ANKRD30A: variants seen among roughly 807,000 people sequenced by gnomAD.
ANKRD30A encodes ankyrin repeat domain-containing protein 30A.
Under a neutral mutation model 166.3 loss-of-function variants are expected in ANKRD30A, and 170 were observed. The ratio of observed to expected loss-of-function variants is 1.02; its 90% CI spans 0.90 to 1.16. The LOEUF is 1.16. Ranked by LOEUF, ANKRD30A falls within the 50% of genes most tolerant of loss-of-function variation. ANKRD30A has a pLI of 0.00. For missense variants in ANKRD30A, 1,630 were observed against 1,518.0 expected (o/e 1.07, Z -1.23); for synonymous variants, 564 against 508.9 (o/e 1.11, Z -1.46).
chr10:37,252,173 G>A, the ANKRD30A span, among the ~76,000 whole-genome samples: 1 of 152,272 alleles, frequency 6.6e-6, no homozygotes, highest in Non-Finnish European at 1.5e-5. Context: ...TGAAATTTTA[G>A]AGGGAGGTGA....
At chr10:37,218,694 T>G (rs551107534) in intron 33 of ANKRD30A, among the ~76,000 whole-genome samples, 8 of 151,102 alleles carry the variant, frequency 5.3e-5, no homozygotes, top group African/African-American at 1.9e-4. Context: ...CTTTTGAGCT[T>G]GTTGTAATTC....
chr10:37,141,956 A>C lies in ANKRD30A; in HGVS notation c.1059A>C (p.Ser353=). The C allele has an allele frequency of 6.4e-7, 1 of 1,566,554 alleles. No homozygotes were observed. Among genetic ancestry groups the C allele is most frequent in the South Asian group, 1.1e-5 (1 of 89,332 alleles). Residue 353 remains serine, a synonymous_variant, in exon 7 of 36, where the codon TCA becomes TCC. Coordinates refer to ENST00000361713, the MANE Select transcript of ANKRD30A (RefSeq NM_052997.3). ...CGACATCTGGAAAGTTCGAACAGTC[A>C]GCAGAAGAAACACCTAGGGAAATTA... The part of the protein sequence containing the change: ...EKATSGKFEQ[S]AEETPREITS...
chr10:37,197,972 G>C (rs188882466), intron 29 of ANKRD30A, among the ~76,000 whole-genome samples: 3 of 151,932 alleles, frequency 2.0e-5, no homozygotes, highest in Non-Finnish European at 4.4e-5. Flanking sequence ...GTGTGTCTGC[G>C]TGTGTGCCTG....
rs1837982691 is a variant in ANKRD30A, at chr10:37,152,067, GT to G, written c.1655del (p.Phe552SerfsTer40). On this transcript the variant is annotated frameshift_variant, in exon 12 of 36. Transcript: ENST00000361713. LOFTEE classifies it high-confidence loss of function. ...NEQTLRADPM[F>X]PPESKQKDYE... ...GTGATTAACCTTTTATAGATCCGAT[GT>G]TCCCACCAGAATCCAAACAAAAGGA... The G allele has an allele frequency of 6.2e-7, 1 of 1,608,628 alleles. No homozygotes were observed. Among genetic ancestry groups the G allele is most frequent in the Admixed American group, 1.7e-5 (1 of 59,774 alleles).
intron 11 of ANKRD30A, 90 bp from the exon 12 acceptor site, chr10:37,151,970 A>C: frequency 8.4e-7 from 1 of 1,190,786 alleles, no homozygotes. Context: ...AAAACCACAG[A>C]TTCGTGAATG....
chr10:37,223,238 T>C (rs1426954348), intron 34 of ANKRD30A, among the ~76,000 whole-genome samples: 1 of 151,182 alleles, frequency 6.6e-6, no homozygotes, highest in Non-Finnish European at 1.5e-5. Context: ...GATAAACCCA[T>C]TATAAGTTGA....
intron 15 of ANKRD30A, among the ~76,000 whole-genome samples, chr10:37,162,106 C>T (rs1838946907): frequency 6.6e-6 from 1 of 151,888 alleles, no homozygotes; most frequent in Non-Finnish European, 1.5e-5. Context: ...GTAGAGGATA[C>T]AGAAATATAG....
At chr10:37,255,280 G>C in the ANKRD30A span, among the ~76,000 whole-genome samples, 1 of 152,152 alleles carries the variant, frequency 6.6e-6, no homozygotes, top group African/African-American at 2.4e-5. Flanking sequence ...GGGCAAGAGG[G>C]TGGGAAGGGG....
intron 25 of ANKRD30A, among the ~76,000 whole-genome samples, chr10:37,192,123 A>T (rs1840632641): frequency 6.6e-6 from 1 of 151,804 alleles, no homozygotes; most frequent in African/African-American, 2.4e-5. Context: ...TGCAACCTCC[A>T]CCTCCTGGGT....
chr10:37,141,275 A>G (rs2132531266), intron 6 of ANKRD30A, among the ~76,000 whole-genome samples: 1 of 152,278 alleles, frequency 6.6e-6, no homozygotes, highest in South Asian at 2.1e-4. Flanking sequence ...TTAAAGCTTT[A>G]AAAAGTTTGG....
chr10:37,250,726 A>G, the ANKRD30A span, among the ~76,000 whole-genome samples: 1 of 152,156 alleles, frequency 6.6e-6, no homozygotes, highest in Non-Finnish European at 1.5e-5. Context: ...TAGCAAGAAG[A>G]CACCATCTAT....
intron 9 of ANKRD30A, 26 bp downstream of exon 9, chr10:37,147,483 G>T (rs759090289): frequency 6.8e-7 from 1 of 1,473,208 alleles, no homozygotes. Flanking sequence ...TATTTGAAAA[G>T]TCTTTTAACC....
In ANKRD30A at chr10:37,126,022, C is replaced by T; in HGVS notation, c.221+14C>T. On this transcript the variant is annotated intron_variant, in intron 1 of 35. Transcript: ENST00000361713. ...CGCCCAGAAGAGGTACCAGGCCCTGCCTGAGCCGGGGCTGCAGGAGGAGGT... is the reference window on the plus strand; with the variant it reads ...CGCCCAGAAGAGGTACCAGGCCCTGTCTGAGCCGGGGCTGCAGGAGGAGGT... 6.2e-7 allele frequency: 1 copy of T among 1,611,890 alleles called. No homozygotes were observed. Among genetic ancestry groups the T allele is most frequent in the Non-Finnish European group, 8.5e-7 (1 of 1,179,822 alleles).
Position 37,216,300 on chromosome 10 carries a change from T to G in ANKRD30A, c.2989T>G (p.Cys997Gly), listed in dbSNP as rs769933588. Residue 997 changes from cysteine to glycine, a missense_variant, in exon 32 of 36, where the codon TGT (cysteine) becomes GGT (glycine). By Grantham distance (159) the Cys-to-Gly change is radical. Coordinates refer to ENST00000361713, the MANE Select transcript of ANKRD30A (RefSeq NM_052997.3). The part of the protein sequence containing the change: ...GKMEQMKKKF[C>G]VLKKKLSEAK... ...AATGGAACAAATGAAAAAGAAGTTT[T>G]GTGTACTGAAAAAGAAACTGTCAGA... 6.2e-7 allele frequency: 1 copy of G among 1,608,944 alleles called. No homozygotes were observed. The highest frequency in any genetic ancestry group is 8.5e-7 in the Non-Finnish European group (1 of 1,176,644).
intron 27 of ANKRD30A, 101 bp from the exon 28 acceptor site, chr10:37,197,180 A>T: frequency 6.7e-7 from 1 of 1,483,318 alleles, no homozygotes; most frequent in Non-Finnish European, 9.4e-7. Context: ...TCATTCTCCA[A>T]TTGGAGCAAG....
chr10:37,264,930 A>G, the ANKRD30A span, among the ~76,000 whole-genome samples: 1 of 152,202 alleles, frequency 6.6e-6, no homozygotes, highest in East Asian at 1.9e-4. Flanking sequence ...TGTTAATTGC[A>G]CATAGTACTG....
chr10:37,127,046 CAAAAAAAAAAAAAAAAAAAAAAAAA>C (rs71007622), intron 1 of ANKRD30A, among the ~76,000 whole-genome samples: 4 of 16,506 alleles, frequency 2.4e-4, no homozygotes, highest in South Asian at 6.6e-3. Context: ...AACTCTGTCT[CAAAAAAAAAAAAAAAAAAAAAAAAA>C]AAAAAAAAAA....
Position 37,158,380 on chromosome 10 carries a change from C to T in ANKRD30A, c.1799-12C>T. The T allele has an allele frequency of 1.2e-6, 2 of 1,607,296 alleles. No individual in the cohort carries two copies. The highest frequency in any genetic ancestry group is 1.7e-6 in the Non-Finnish European group (2 of 1,175,148). Reference sequence around the variant, plus strand: ...TGCATATAATCAATTATGTATGTCCCTTTTCTTATAGAGTCTCCTAATAAA... The same window carrying T: ...TGCATATAATCAATTATGTATGTCCTTTTTCTTATAGAGTCTCCTAATAAA... On this transcript the variant is annotated splice_polypyrimidine_tract_variant and intron_variant, in intron 13 of 35. Coordinates refer to ENST00000361713, the MANE Select transcript of ANKRD30A (RefSeq NM_052997.3).
At chr10:37,150,758 G>A (rs1390697626) in intron 11 of ANKRD30A, among the ~76,000 whole-genome samples, 3 of 152,038 alleles carry the variant, frequency 2.0e-5, no homozygotes, top group Non-Finnish European at 4.4e-5. Flanking sequence ...TTTTTATGCT[G>A]ATAAGTAATA....
Sources: allele counts gnomAD v4.1 joint callset (sites outside exome capture counted in the v4.1 genomes callset), GRCh38; gene constraint gnomAD v4.1.1; transcripts MANE v1.5; gene names NCBI Gene and HGNC (gene_info 2026-07-23, HGNC 2026-07-21).